The following METTL15 variants were observed in gnomAD, a reference collection of about 807,000 sequenced individuals.
METTL15 encodes the protein methyltransferase 15, mitochondrial 12S rRNA N4-cytidine.
In METTL15, 34 loss-of-function variants were observed where a neutral mutation model predicts 38.3. That is an observed-to-expected ratio of 0.89 (90% CI 0.68 to 1.18). METTL15 has a LOEUF of 1.18. Among genes scored for constraint, METTL15 ranks in the 50% most tolerant of loss-of-function variants. The pLI, the probability that METTL15 is intolerant of heterozygous loss-of-function variation, is 0.00. For synonymous variants in METTL15, 162 were observed against 170.9 expected, an observed-to-expected ratio of 0.95 and a Z score of 0.41; for missense variants, 438 against 498.4, an observed-to-expected ratio of 0.88 and a Z score of 1.15.
chr11:28,394,088 G>C (rs1360814389), intron 5 of METTL15, among the ~76,000 whole-genome samples: 2 of 152,008 alleles, frequency 1.3e-5, no homozygotes, highest in African/African-American at 2.4e-5. Context: ...AAGTAGGGTT[G>C]GTGCCTTATT....
intron 5 of METTL15, among the ~76,000 whole-genome samples, chr11:28,295,318 G>A (rs557084940): frequency 1.3e-5 from 2 of 152,110 alleles, no homozygotes; most frequent in African/African-American, 2.4e-5. Context: ...AGTATGAGTA[G>A]CAGGACCAGG....
At chr11:28,490,713 T>TA (rs1332708355) in intron 6 of METTL15, among the ~76,000 whole-genome samples, 1 of 152,046 alleles carries the variant, frequency 6.6e-6, no homozygotes, top group South Asian at 2.1e-4. Context: ...CTGTAATATA[T>TA]AAAAAAAGAC....
chr11:28,133,690 A>T (rs776490399), intron 3 of METTL15, among the ~76,000 whole-genome samples: 1 of 152,110 alleles, frequency 6.6e-6, no homozygotes, highest in Non-Finnish European at 1.5e-5. Context: ...GGAGAGGCCT[A>T]TGTAGAGTGG....
rs118062086 is a variant in METTL15, at chr11:28,183,575, T to C, written c.271-27487T>C. On this transcript the variant is annotated intron_variant, in intron 3 of 6. Transcript: ENST00000407364. ...TGGATTATGTTTATTATTTTACATA[T>C]GTTGAACTAGTCTTGCTTCCCAGGG... Among the ~76,000 whole-genome samples, 50 of 152,234 alleles carry C rather than the reference T, an allele frequency of 3.3e-4. No homozygotes were observed. In the East Asian group the frequency reaches 9.3e-3, roughly 28 times the overall value.
intron 6 of METTL15, among the ~76,000 whole-genome samples, chr11:28,447,862 T>G (rs1851088078): frequency 6.6e-6 from 1 of 152,136 alleles, no homozygotes; most frequent in African/African-American, 2.4e-5. Flanking sequence ...TCATGTGGAC[T>G]GAGGCACAGT....
chr11:28,454,112 T>A (rs1414600001), intron 6 of METTL15, among the ~76,000 whole-genome samples: 1 of 152,240 alleles, frequency 6.6e-6, no homozygotes, highest in African/African-American at 2.4e-5. Flanking sequence ...GTTATATCAC[T>A]CAAGTAGAAT....
intron 3 of METTL15, among the ~76,000 whole-genome samples, chr11:28,182,999 A>G (rs1485629906): frequency 6.6e-6 from 1 of 151,816 alleles, no homozygotes; most frequent in Non-Finnish European, 1.5e-5. Flanking sequence ...ATTCCTAGGT[A>G]TTTTATTCTC....
chr11:28,336,783 G>C (rs1849904469), downstream of METTL15, among the ~76,000 whole-genome samples: 1 of 152,106 alleles, frequency 6.6e-6, no homozygotes, highest in Admixed American at 6.6e-5. Flanking sequence ...GTGATAAATG[G>C]CTATGTTTCT....
chr11:28,489,895 C>G (rs529834100), intron 6 of METTL15, among the ~76,000 whole-genome samples: 2 of 152,212 alleles, frequency 1.3e-5, no homozygotes, highest in African/African-American at 4.8e-5. Flanking sequence ...TGGACTTAGA[C>G]CATGAGAAGA....
intron 6 of METTL15, among the ~76,000 whole-genome samples, chr11:28,482,902 T>A (rs1246217391): frequency 6.6e-6 from 1 of 152,160 alleles, no homozygotes; most frequent in Non-Finnish European, 1.5e-5. Flanking sequence ...TACTGCCATC[T>A]CAGCCCCAAC....
chr11:28,462,982 A>G lies in METTL15; in HGVS notation c.*424+38618A>G, dbSNP rs543086718. 3.7e-4 allele frequency among the ~76,000 whole-genome samples: 56 copies of G among 152,222 alleles called. 2 individuals are homozygous for G. The South Asian group carries it at 0.011, about 30-fold the overall frequency. ...CCCATTGTTTGTTGGGGGAATGACAAGGGAAGAGTCCAAGAAAATGACAGA... is the reference window on the plus strand; with the variant it reads ...CCCATTGTTTGTTGGGGGAATGACAGGGGAAGAGTCCAAGAAAATGACAGA... On this transcript the variant is annotated intron_variant and NMD_transcript_variant, in intron 6 of 7. Coordinates refer to the METTL15 transcript ENST00000532947.
chr11:28,469,993 A>C (rs1851289550), intron 6 of METTL15, among the ~76,000 whole-genome samples: 1 of 151,826 alleles, frequency 6.6e-6, no homozygotes, highest in Non-Finnish European at 1.5e-5. Context: ...TCTATTTTTT[A>C]ATTGAAAAGT....
At chr11:28,433,994 G>T (rs1266352987) in intron 6 of METTL15, among the ~76,000 whole-genome samples, 1 of 152,158 alleles carries the variant, frequency 6.6e-6, no homozygotes, top group Non-Finnish European at 1.5e-5. Context: ...GCATTTAAGA[G>T]GCTGAACTGT....
intron 6 of METTL15, among the ~76,000 whole-genome samples, chr11:28,456,866 A>C (rs1851173612): frequency 6.6e-6 from 1 of 152,182 alleles, no homozygotes; most frequent in African/African-American, 2.4e-5. Flanking sequence ...GTGGATGAAG[A>C]AGCCTCCAGA....
chr11:28,368,933 A>G (rs1324988843), intron 5 of METTL15, among the ~76,000 whole-genome samples: 1 of 152,074 alleles, frequency 6.6e-6, no homozygotes, highest in African/African-American at 2.4e-5. Flanking sequence ...GTTCTCACTC[A>G]TAAGTGGGAG....
intron 6 of METTL15, among the ~76,000 whole-genome samples, chr11:28,498,062 A>G (rs397848898): frequency 6.6e-6 from 1 of 151,764 alleles, no homozygotes; most frequent in African/African-American, 2.4e-5. Flanking sequence ...AAAAAAAAAA[A>G]AAAGGAGGGG....
rs1429965871 is a variant in METTL15, at chr11:28,331,786, A to G, written c.*945A>G. ...TTGAGGAGATTGATTCATAATTCAC[A>G]TGTCAATTTTTTATAGTAATATGTA... On this transcript the variant is annotated 3_prime_UTR_variant, in exon 7 of 7. Transcript: ENST00000407364. 1.3e-5 allele frequency: 2 copies of G among 152,356 alleles called. No individual in the cohort carries two copies. The highest frequency in any genetic ancestry group is 2.1e-4 in the South Asian group (1 of 4,834). The allele number at this position is 152,356 out of a possible 1,614,324, so 9.4% of individuals were successfully genotyped here.
chr11:28,522,726 C>G (rs1851774207), intron 6 of METTL15, among the ~76,000 whole-genome samples: 1 of 152,158 alleles, frequency 6.6e-6, no homozygotes, highest in South Asian at 2.1e-4. Context: ...ACATGACCAT[C>G]TCACTTCTTC....
At chr11:28,346,141 T>C (rs1849993761) in intron 3 of METTL15, among the ~76,000 whole-genome samples, 1 of 152,182 alleles carries the variant, frequency 6.6e-6, no homozygotes, top group Non-Finnish European at 1.5e-5. Context: ...TTCTTGCCAC[T>C]GAATGAAAAT....
Sources: allele counts gnomAD v4.1 joint callset (sites outside exome capture counted in the v4.1 genomes callset), GRCh38; gene constraint gnomAD v4.1.1; transcripts MANE v1.5; gene names NCBI Gene and HGNC (gene_info 2026-07-23, HGNC 2026-07-21).